NAV2: variants seen among roughly 807,000 people sequenced by gnomAD.
The protein encoded by NAV2 is neuron navigator 2.
NAV2 carries 54 observed loss-of-function variants against 223.2 expected under a neutral mutation model. That is an observed-to-expected ratio of 0.24 (90% CI 0.19 to 0.30). The LOEUF is 0.30. Among genes scored for constraint, NAV2 ranks in the 10% least tolerant of loss-of-function variants. The pLI is 1.00. For missense variants in NAV2, 2,806 were observed against 3,147.5 expected (o/e 0.89, Z 2.60); for synonymous variants, 1,279 against 1,239.3 (o/e 1.03, Z -0.67).
chr11:19,472,186 T>C (rs944178976), intron 1 of NAV2, among the ~76,000 whole-genome samples: 2 of 152,184 alleles, frequency 1.3e-5, no homozygotes, highest in Non-Finnish European at 2.9e-5. Flanking sequence ...AATTCTCTTA[T>C]AGTAAGCTGG....
intron 1 of NAV2, among the ~76,000 whole-genome samples, chr11:19,802,207 T>A (rs1317660237): frequency 6.6e-6 from 1 of 152,032 alleles, no homozygotes; most frequent in Non-Finnish European, 1.5e-5. Context: ...GTCAAATGGC[T>A]CTTATAGGAG....
chr11:19,438,443 C>T (rs1161077627), intron 1 of NAV2, among the ~76,000 whole-genome samples: 1 of 152,198 alleles, frequency 6.6e-6, no homozygotes, highest in Non-Finnish European at 1.5e-5. Flanking sequence ...TTCTGTATCT[C>T]AGAGTCTGTT....
chr11:20,066,673 A>T (rs2059061398), intron 20 of NAV2, among the ~76,000 whole-genome samples: 1 of 152,174 alleles, frequency 6.6e-6, no homozygotes, highest in Non-Finnish European at 1.5e-5. Flanking sequence ...GCGAGTTCTA[A>T]TGAATCATAC....
rs371444762 is a variant in NAV2 at position 19,939,752 on chromosome 11, C to G, written c.2125C>G (p.Pro709Ala). The G allele has an allele frequency of 1.9e-6, 3 of 1,613,932 alleles. No individual in the cohort carries two copies. In the Admixed American group the frequency reaches 5.0e-5, roughly 27 times the overall value. Residue 709 changes from proline to alanine, a missense_variant, in exon 8 of 38, where the codon CCT becomes GCT. By Grantham distance (27) the Pro-to-Ala change is conservative. This residue lies in a region of NAV2 where 1,167 missense variants were observed against 1,180.5 expected (regional missense o/e 0.99). Transcript: ENST00000349880. ...CAGCCACTTCACCAAGACTGGACAG[C>G]CTGCTCTGGAAGAACTCACTGGTGA... ...EPSHFTKTGQPALEELTGEDP... is the reference protein window; with the variant it reads ...EPSHFTKTGQAALEELTGEDP...
chr11:19,778,533 A>G (rs1350381249), intron 1 of NAV2, among the ~76,000 whole-genome samples: 3 of 152,190 alleles, frequency 2.0e-5, no homozygotes, highest in Non-Finnish European at 4.4e-5. Flanking sequence ...CACAAAAAAA[A>G]CAAAAAGAAA....
At chr11:19,435,293 T>G (rs576695876) in intron 1 of NAV2, among the ~76,000 whole-genome samples, 1 of 152,304 alleles carries the variant, frequency 6.6e-6, no homozygotes, top group South Asian at 2.1e-4. Flanking sequence ...GTCTGGCTTT[T>G]TTGGATTCCA....
At chr11:19,577,666 G>A (rs1428736495) in intron 1 of NAV2, among the ~76,000 whole-genome samples, 1 of 152,114 alleles carries the variant, frequency 6.6e-6, no homozygotes, top group Non-Finnish European at 1.5e-5. Context: ...TAGCTTCCTG[G>A]CATGGGGTGA....
chr11:20,104,744 A>C (rs1350609528), intron 34 of NAV2: 2 of 152,228 alleles, frequency 1.3e-5, no homozygotes, highest in East Asian at 1.9e-4. Context: ...TCTAGAGTAC[A>C]CATCTGACCA....
chr11:19,664,625 G>T (rs1235118878), intron 1 of NAV2, among the ~76,000 whole-genome samples: 1 of 152,178 alleles, frequency 6.6e-6, no homozygotes, highest in African/African-American at 2.4e-5. Flanking sequence ...GCCTTGTAAA[G>T]GGGTAGGTTA....
At chr11:19,984,942 T>A (rs1467703077) in intron 11 of NAV2, among the ~76,000 whole-genome samples, 1 of 152,216 alleles carries the variant, frequency 6.6e-6, no homozygotes, top group Non-Finnish European at 1.5e-5. Context: ...TCCCTTCCAG[T>A]TCTAATGTTC....
At chr11:19,608,850 G>T (rs1226349671) in intron 1 of NAV2, among the ~76,000 whole-genome samples, 1 of 152,176 alleles carries the variant, frequency 6.6e-6, no homozygotes. Flanking sequence ...CCTCCTGGAG[G>T]CTCTAGAGGG....
chr11:20,046,634 A>G (rs2153590878), intron 14 of NAV2, among the ~76,000 whole-genome samples: 1 of 151,282 alleles, frequency 6.6e-6, no homozygotes, highest in Non-Finnish European at 1.5e-5. Context: ...AAACCTCTTA[A>G]AGAAGAAATA....
upstream of NAV2, among the ~76,000 whole-genome samples, chr11:19,710,101 T>G (rs915577350): frequency 1.2e-4 from 19 of 152,206 alleles, no homozygotes; most frequent in Non-Finnish European, 7.3e-5. Flanking sequence ...TAAATACAAT[T>G]TAAACAGGAA....
intron 8 of NAV2, among the ~76,000 whole-genome samples, chr11:19,942,359 A>G (rs551579465): frequency 6.6e-6 from 1 of 152,336 alleles, no homozygotes; most frequent in African/African-American, 2.4e-5. Context: ...ACGACCCACA[A>G]GAGGGAAACA....
intron 6 of NAV2, among the ~76,000 whole-genome samples, chr11:19,917,939 G>A (rs1404378651): frequency 1.3e-5 from 2 of 152,194 alleles, no homozygotes; most frequent in African/African-American, 4.8e-5. Context: ...TTTCACAAAG[G>A]AGAATGAGAC....
At chr11:19,509,719 T>C (rs531214954) in intron 1 of NAV2, among the ~76,000 whole-genome samples, 1 of 152,224 alleles carries the variant, frequency 6.6e-6, no homozygotes, top group East Asian at 1.9e-4. Context: ...CATCAATGTT[T>C]CCCCCCTAAA....
intron 37 of NAV2, among the ~76,000 whole-genome samples, chr11:20,117,226 T>TC (rs142845821): frequency 0.16 from 23,570 of 152,028 alleles, 2,394 homozygotes; most frequent in East Asian, 0.38. Flanking sequence ...TTATTCCCTC[T>TC]CCCACTCCCA....
chr11:19,734,522 C>T (rs971204793), intron 1 of NAV2, among the ~76,000 whole-genome samples: 1 of 152,182 alleles, frequency 6.6e-6, no homozygotes, highest in African/African-American at 2.4e-5. Flanking sequence ...TCCTATTCAC[C>T]CTCAATCTGA....
intron 8 of NAV2, among the ~76,000 whole-genome samples, chr11:19,943,754 GA>G (rs1215586479): frequency 2.6e-5 from 4 of 152,240 alleles, no homozygotes; most frequent in Middle Eastern, 3.4e-3. Flanking sequence ...CTCAACGCTT[GA>G]AAATAGTCCT....
Sources: gnomAD v4.1 joint callset for allele counts (sites outside exome capture counted in the v4.1 genomes callset) on GRCh38, gnomAD v4.1.1 for gene constraint, gnomAD v4.1.1 regional missense constraint, MANE v1.5 for transcripts, NCBI Gene and HGNC (gene_info 2026-07-23, HGNC 2026-07-21) for gene names.